JMY: variants seen among roughly 807,000 people sequenced by gnomAD.
The protein encoded by JMY is junction-mediating and -regulatory protein.
JMY carries 46 observed loss-of-function variants against 103.3 expected under a neutral mutation model. The ratio of observed to expected loss-of-function variants is 0.45; its 90% CI spans 0.35 to 0.57. The LOEUF (loss-of-function observed/expected upper bound fraction) is 0.57. Among genes scored for constraint, JMY ranks in the 20% least tolerant of loss-of-function variants. JMY has a pLI of 0.00. For missense variants in JMY, 1,238 were observed against 1,255.2 expected, an observed-to-expected ratio of 0.99 and a Z score of 0.21; for synonymous variants, 526 against 489.3, an observed-to-expected ratio of 1.07 and a Z score of -0.99.
At chr5:79,298,569 C>T (rs1311711115) in intron 4 of JMY, among the ~76,000 whole-genome samples, 1 of 152,238 alleles carries the variant, frequency 6.6e-6, no homozygotes, top group Non-Finnish European at 1.5e-5. Context: ...ATTAAACCCA[C>T]TTTGGGGTTA....
intron 6 of JMY, among the ~76,000 whole-genome samples, 186 bp from the exon 7 acceptor site, chr5:79,306,189 G>A (rs1213691505): frequency 6.6e-6 from 1 of 152,172 alleles, no homozygotes; most frequent in Non-Finnish European, 1.5e-5. Flanking sequence ...TCATAGAGGA[G>A]TCTTTTCGTA....
intron 8 of JMY, among the ~76,000 whole-genome samples, 194 bp from the exon 9 acceptor site, chr5:79,314,063 C>T (rs1197157876): frequency 3.9e-5 from 6 of 152,122 alleles, no homozygotes; most frequent in East Asian, 1.9e-4. Context: ...TTCACCATGT[C>T]GGCCAGGCTG....
At chr5:79,298,852 T>C (rs1394666408) in intron 4 of JMY, among the ~76,000 whole-genome samples, 2 of 152,380 alleles carry the variant, frequency 1.3e-5, no homozygotes, top group Middle Eastern at 3.4e-3. Flanking sequence ...TGTGTAGATA[T>C]ATAGACTGTA....
rs539886031 is a variant in JMY at position 79,244,849 on chromosome 5, G to A, written c.1032+7167G>A. 8.5e-4 allele frequency among the ~76,000 whole-genome samples: 126 copies of A among 147,766 alleles called. 1 individual carries two copies. Among genetic ancestry groups the A allele is most frequent in the African/African-American group, 3.1e-3 (125 of 40,202 alleles). ...TAACTATTTGTTTTTTTTTTTTTTG[G>A]TAGAGATAGTGAAGTTCATTTGGTT... is the stretch of plus-strand genomic sequence containing the variant. On this transcript the variant is annotated intron_variant, in intron 1 of 10. Coordinates refer to ENST00000396137, the MANE Select transcript of JMY (RefSeq NM_152405.5).
chr5:79,260,325 C>G (rs946563467), intron 1 of JMY, among the ~76,000 whole-genome samples: 1 of 152,152 alleles, frequency 6.6e-6, no homozygotes, highest in Non-Finnish European at 1.5e-5. Flanking sequence ...CACAGGAAAC[C>G]CACTGCCACC....
chr5:79,272,093 T>TA (rs1489195408), intron 1 of JMY, among the ~76,000 whole-genome samples: 1 of 149,624 alleles, frequency 6.7e-6, no homozygotes, highest in Non-Finnish European at 1.5e-5. Flanking sequence ...GCCTGTGTCA[T>TA]AGAGTGAGAT....
chr5:79,255,444 A>C (rs990187849), intron 1 of JMY, among the ~76,000 whole-genome samples: 2 of 152,100 alleles, frequency 1.3e-5, no homozygotes, highest in Admixed American at 1.3e-4. Context: ...TTATTTATTA[A>C]TAGTTCATTT....
intron 6 of JMY, among the ~76,000 whole-genome samples, chr5:79,304,830 A>G (rs1746832795): frequency 6.6e-6 from 1 of 152,208 alleles, no homozygotes. Flanking sequence ...CCTCTGTTCT[A>G]GATAAGGGAT....
At chr5:79,293,402 AC>A (rs1376861278) in intron 4 of JMY, among the ~76,000 whole-genome samples, 11 of 32,422 alleles carry the variant, frequency 3.4e-4, no homozygotes, top group Admixed American at 1.5e-3. Flanking sequence ...ACTTTTTTTA[AC>A]TTTTTTTTTT....
Position 79,236,884 on chromosome 5 carries a change from CCG to C in JMY, c.237_238del (p.Gly80AlafsTer20). The C allele has an allele frequency of 7.3e-7, 1 of 1,377,018 alleles. No homozygotes were observed. Among genetic ancestry groups the C allele is most frequent in the Non-Finnish European group, 9.4e-7 (1 of 1,068,212 alleles). 85.3% of individuals were successfully genotyped at this position (1,377,018 alleles called of 1,614,324 possible). A position where few individuals can be genotyped will look rare whatever the true frequency, so the allele number is the denominator to read the frequency against. ...CCGGCGGAGCTGCGTCCGACGGGAG[CCG>C]CGGGCCCGGCAGCCCGGCGGGCAGG... ...EAGGAASDGS[R>X]GPGSPAGRGR... On this transcript the variant is annotated frameshift_variant, in exon 1 of 11. Transcript: ENST00000396137. LOFTEE classifies it high-confidence loss of function.
At position 79,237,416 on chromosome 5, in the gene JMY, C is replaced by T. The variant is rs760574623; in HGVS notation, c.766C>T (p.Leu256=). ...CSVNSQLEPC[L]PVFPEEPSGM... is the part of the protein sequence containing the mutation. ...GGTGAACTCGCAGTTGGAGCCGTGC[C>T]TGCCGGTGTTCCCCGAGGAACCTTC... Residue 256 remains leucine, a synonymous_variant, in exon 1 of 11, where the codon CTG becomes TTG. Coordinates refer to ENST00000396137, the MANE Select transcript of JMY (RefSeq NM_152405.5). 24 of 1,613,644 alleles carry T rather than the reference C, an allele frequency of 1.5e-5. No individual in the cohort carries two copies. Among genetic ancestry groups the T allele is most frequent in the East Asian group, 2.2e-5 (1 of 44,870 alleles).
In JMY at chr5:79,314,862, A is replaced by G. The variant is rs1033740655; in HGVS notation, c.2659+11A>G. On this transcript the variant is annotated intron_variant, in intron 9 of 10. Transcript: ENST00000396137. ...TGCAGAGGAGGAGAGGTACGTCAAC[A>G]TATTTTCATGGTCCATCTGTTGTAT... is the stretch of plus-strand genomic sequence containing the variant. 2 of 1,536,484 alleles carry G rather than the reference A, an allele frequency of 1.3e-6. No individual in the cohort carries two copies. Among genetic ancestry groups the G allele is most frequent in the African/African-American group, 1.4e-5 (1 of 72,364 alleles).
In JMY at chr5:79,254,248, C is replaced by T. The variant is rs567555550; in HGVS notation, c.1032+16566C>T. On this transcript the variant is annotated intron_variant, in intron 1 of 10. Coordinates refer to ENST00000396137, the MANE Select transcript of JMY (RefSeq NM_152405.5). Reference sequence around the variant, plus strand: ...CTGGGATTACAGGCATGAGCCATCACGCCCCAGCTTGGTAGATGACTTTTT... The same window carrying T: ...CTGGGATTACAGGCATGAGCCATCATGCCCCAGCTTGGTAGATGACTTTTT... Among the ~76,000 whole-genome samples, 24 of 152,152 alleles carry T rather than the reference C, an allele frequency of 1.6e-4. 1 individual carries two copies. In the South Asian group the frequency reaches 3.7e-3, roughly 24 times the overall value.
intron 4 of JMY, among the ~76,000 whole-genome samples, chr5:79,296,914 T>C (rs1426920840): frequency 2.0e-5 from 3 of 152,240 alleles, no homozygotes; most frequent in African/African-American, 7.2e-5. Context: ...TGAAAACTAC[T>C]TTATCATTAT....
chr5:79,270,363 ATG>A (rs1263968495), intron 1 of JMY, among the ~76,000 whole-genome samples: 1 of 137,656 alleles, frequency 7.3e-6, no homozygotes, highest in Non-Finnish European at 1.5e-5. Flanking sequence ...AATATTTAAA[ATG>A]TATATTTACA....
At position 79,312,489 on chromosome 5, in the gene JMY, A is replaced by C; in HGVS notation, c.2055A>C (p.Thr685=). The C allele has an allele frequency of 6.5e-7, 1 of 1,545,822 alleles. No homozygotes were observed. Among genetic ancestry groups the C allele is most frequent in the Non-Finnish European group, 8.7e-7 (1 of 1,145,632 alleles). ...AGAGAACACTGGATAGACTTCGAAC[A>C]TTTAAACAGGTATTAAAAGTAATGG... is the stretch of plus-strand genomic sequence containing the variant. ...ERQRTLDRLR[T]FKQRYPGQVI... The change falls in exon 8 of 11, where the codon ACA becomes ACC. Residue 685 remains threonine (T), a synonymous_variant. Coordinates refer to ENST00000396137, the MANE Select transcript of JMY (RefSeq NM_152405.5).
chr5:79,316,885 T>C lies in JMY; in HGVS notation c.*3+575T>C, dbSNP rs143954641. On this transcript the variant is annotated intron_variant, in intron 10 of 10. Transcript: ENST00000396137. Reference sequence around the variant, plus strand: ...CGTGCCACTGCCCTGGGCAACAGAGTGAGACTCAGTCTTAAAAAAAAAAAA... The same window carrying C: ...CGTGCCACTGCCCTGGGCAACAGAGCGAGACTCAGTCTTAAAAAAAAAAAA... Among the ~76,000 whole-genome samples the C allele has an allele frequency of 6.4e-3, 740 of 116,300 alleles. 6 individuals carry two copies. The highest frequency in any genetic ancestry group is 0.024 in the African/African-American group (695 of 29,164). The allele number at this position is 116,300 out of a possible 152,430, so 76.3% of individuals were successfully genotyped here.
chr5:79,237,701 A>C lies in JMY; in HGVS notation c.1032+19A>C, dbSNP rs762525061. 6.3e-7 allele frequency: 1 copy of C among 1,597,428 alleles called. No homozygotes were observed. The highest frequency in any genetic ancestry group is 1.1e-5 in the South Asian group (1 of 89,728). ...CCAGGAGGTGAGTGAGTGAGCTCCT[A>C]GTCTGGGCTCTACTGGTCGCTTTTG... On this transcript the variant is annotated intron_variant, in intron 1 of 10. Transcript: ENST00000396137.
chr5:79,260,916 A>G (rs1196007537), intron 1 of JMY, among the ~76,000 whole-genome samples: 1 of 152,204 alleles, frequency 6.6e-6, no homozygotes, highest in African/African-American at 2.4e-5. Context: ...TCCCAGGGCC[A>G]CAGATGCAGT....
Sources: allele counts gnomAD v4.1 joint callset (sites outside exome capture counted in the v4.1 genomes callset), GRCh38; gene constraint gnomAD v4.1.1; transcripts MANE v1.5; gene names NCBI Gene and HGNC (gene_info 2026-07-23, HGNC 2026-07-21).